WWC2: variants seen among roughly 807,000 people sequenced by gnomAD.
WWC2 encodes the protein protein WWC2.
A neutral mutation model predicts 138.5 loss-of-function variants in WWC2; 101 were observed. The observed-to-expected ratio is 0.73, with a 90% CI of 0.62 to 0.86. WWC2 has a LOEUF of 0.86. Ranked by LOEUF, WWC2 falls within the 40% of genes least tolerant of loss-of-function variation. WWC2 has a pLI of 0.00. For synonymous variants in WWC2, 558 were observed against 538.4 expected (o/e 1.04, Z -0.50); for missense variants, 1,420 against 1,419.4 (o/e 1.00, Z -0.01).
intron 1 of WWC2, among the ~76,000 whole-genome samples, chr4:183,171,096 T>C (rs1449443756): frequency 6.6e-6 from 1 of 152,242 alleles, no homozygotes; most frequent in Non-Finnish European, 1.5e-5. Flanking sequence ...TCATTTCTTC[T>C]TTGTACTGTT....
intron 14 of WWC2, among the ~76,000 whole-genome samples, chr4:183,267,056 G>T (rs1241581777): frequency 1.3e-5 from 2 of 151,342 alleles, no homozygotes; most frequent in Non-Finnish European, 2.9e-5. Context: ...TAAGAGATGG[G>T]GTCTCACTGG....
intron 1 of WWC2, among the ~76,000 whole-genome samples, chr4:183,150,819 C>T (rs1285648463): frequency 6.6e-6 from 1 of 151,910 alleles, no homozygotes; most frequent in Non-Finnish European, 1.5e-5. Flanking sequence ...CTAGTTTGCT[C>T]AGAATGATGG....
chr4:183,101,381 AATT>A (rs1321255842), intron 1 of WWC2, among the ~76,000 whole-genome samples: 3 of 152,234 alleles, frequency 2.0e-5, no homozygotes, highest in Non-Finnish European at 4.4e-5. Context: ...ATGGATTAGT[AATT>A]ATTATGAACT....
chr4:183,111,915 C>T (rs1283920070), intron 1 of WWC2, among the ~76,000 whole-genome samples: 1 of 152,130 alleles, frequency 6.6e-6, no homozygotes, highest in Non-Finnish European at 1.5e-5. Flanking sequence ...CCAGGCTGGT[C>T]TCCAACTCCT....
intron 22 of WWC2, among the ~76,000 whole-genome samples, chr4:183,314,084 G>A (rs936647520): frequency 4.6e-5 from 7 of 152,028 alleles, no homozygotes; most frequent in African/African-American, 9.7e-5. Context: ...GGTACCAAGC[G>A]GGAGGGCAGG....
At chr4:183,158,068 A>G (rs949479809) in intron 1 of WWC2, among the ~76,000 whole-genome samples, 1 of 151,856 alleles carries the variant, frequency 6.6e-6, no homozygotes, top group Non-Finnish European at 1.5e-5. Flanking sequence ...TTAGGGAGTG[A>G]TTTTAGATCA....
intron 1 of WWC2, among the ~76,000 whole-genome samples, chr4:183,131,180 C>T (rs955331372): frequency 1.3e-5 from 2 of 152,008 alleles, no homozygotes; most frequent in East Asian, 1.9e-4. Context: ...AACAAACTCC[C>T]GTGTAAACTT....
chr4:183,161,921 C>T (rs1201003517), intron 1 of WWC2, among the ~76,000 whole-genome samples: 1 of 152,144 alleles, frequency 6.6e-6, no homozygotes, highest in African/African-American at 2.4e-5. Flanking sequence ...ATTTGAGAGA[C>T]TTCAGATATG....
At chr4:183,301,957 C>G (rs1195908998) in intron 21 of WWC2, among the ~76,000 whole-genome samples, 1 of 152,190 alleles carries the variant, frequency 6.6e-6, no homozygotes, top group Non-Finnish European at 1.5e-5. Flanking sequence ...TTGCTTCTTT[C>G]CCTCACTTAA....
chr4:183,226,865 TAGAA>T (rs1736090158), intron 4 of WWC2, among the ~76,000 whole-genome samples: 1 of 151,990 alleles, frequency 6.6e-6, no homozygotes. Context: ...CTGGATAAGG[TAGAA>T]AGAAAGATTT....
intron 1 of WWC2, among the ~76,000 whole-genome samples, chr4:183,145,767 C>T (rs1052085419): frequency 6.6e-6 from 1 of 152,192 alleles, no homozygotes; most frequent in Non-Finnish European, 1.5e-5. Context: ...AGAAACAGAA[C>T]AGTTGTTTGA....
intron 1 of WWC2, among the ~76,000 whole-genome samples, chr4:183,172,740 A>G (rs1734331935): frequency 6.6e-6 from 1 of 151,958 alleles, no homozygotes; most frequent in Non-Finnish European, 1.5e-5. Context: ...AACCAGTGTC[A>G]TTCAGATTCA....
intron 17 of WWC2, among the ~76,000 whole-genome samples, chr4:183,281,938 A>G (rs1372525195): frequency 1.3e-5 from 2 of 152,216 alleles, no homozygotes; most frequent in East Asian, 1.9e-4. Context: ...CATAGTAGTC[A>G]TTAATGGTTC....
At position 183,319,888 on chromosome 4, in the gene WWC2, G is replaced by A; in HGVS notation, c.*4159G>A. Reference sequence around the variant, plus strand: ...AGCAGTCGCCTCTTGAGATCTCTCTGACTCTCTCCAATTCTCAAACAGTCC... The same window carrying A: ...AGCAGTCGCCTCTTGAGATCTCTCTAACTCTCTCCAATTCTCAAACAGTCC... On this transcript the variant is annotated 3_prime_UTR_variant, in exon 23 of 23. Transcript: ENST00000403733. 1 of 1,613,898 alleles carries A rather than the reference G, an allele frequency of 6.2e-7. No homozygotes were observed. The highest frequency in any genetic ancestry group is 8.5e-7 in the Non-Finnish European group (1 of 1,179,868).
intron 1 of WWC2, among the ~76,000 whole-genome samples, chr4:183,154,243 G>C (rs1286750011): frequency 6.6e-6 from 1 of 152,170 alleles, no homozygotes; most frequent in Non-Finnish European, 1.5e-5. Flanking sequence ...TTCACTGGCT[G>C]TGTGATTTCA....
intron 4 of WWC2, among the ~76,000 whole-genome samples, chr4:183,221,447 C>A (rs1429459512): frequency 6.6e-6 from 1 of 152,134 alleles, no homozygotes; most frequent in Non-Finnish European, 1.5e-5. Context: ...ATAGAACACA[C>A]CATTTAAAAA....
chr4:183,214,283 A>T (rs377720310), intron 4 of WWC2, among the ~76,000 whole-genome samples: 34 of 152,242 alleles, frequency 2.2e-4, no homozygotes, highest in South Asian at 1.5e-3. Context: ...GTTAATATAG[A>T]CTCACTTTGA....
intron 20 of WWC2, 90 bp from the exon 21 acceptor site, chr4:183,289,301 GCA>G: frequency 2.0e-6 from 3 of 1,505,764 alleles, no homozygotes; most frequent in Non-Finnish European, 2.7e-6. Flanking sequence ...GTGCAAGGAA[GCA>G]CCATCCATCA....
At chr4:183,290,687 T>C (rs1738418792) in intron 21 of WWC2, among the ~76,000 whole-genome samples, 1 of 152,230 alleles carries the variant, frequency 6.6e-6, no homozygotes, top group Non-Finnish European at 1.5e-5. Flanking sequence ...TAGTAGCAAA[T>C]AGAATTTTCC....
Sources: gnomAD v4.1 joint callset for allele counts (sites outside exome capture counted in the v4.1 genomes callset) on GRCh38, gnomAD v4.1.1 for gene constraint, MANE v1.5 for transcripts, NCBI Gene and HGNC (gene_info 2026-07-23, HGNC 2026-07-21) for gene names.